The following FSTL5 variants were observed in gnomAD, a reference collection of about 807,000 sequenced individuals.
FSTL5 encodes follistatin like 5.
In FSTL5, 62 loss-of-function variants were observed where a neutral mutation model predicts 89.1. That is an observed-to-expected ratio of 0.70 (90% CI 0.57 to 0.86). The LOEUF (loss-of-function observed/expected upper bound fraction) is 0.86, where lower values mean the gene tolerates loss of function less well. Among genes scored for constraint, FSTL5 ranks in the 40% least tolerant of loss-of-function variants. The pLI, the probability that FSTL5 is intolerant of heterozygous loss-of-function variation, is 0.00. For synonymous variants in FSTL5, 383 were observed against 346.2 expected (o/e 1.11, Z -1.18); for missense variants, 1,057 against 1,001.6 (o/e 1.06, Z -0.75).
At chr4:161,999,032 C>T (rs1736385721) in intron 3 of FSTL5, among the ~76,000 whole-genome samples, 1 of 152,178 alleles carries the variant, frequency 6.6e-6, no homozygotes, top group African/African-American at 2.4e-5. Context: ...CTAACCTCCC[C>T]ACTTTCCAGT....
intron 15 of FSTL5, among the ~76,000 whole-genome samples, chr4:161,451,567 C>T: frequency 6.6e-6 from 1 of 152,158 alleles, no homozygotes; most frequent in Admixed American, 6.5e-5. Flanking sequence ...TTATTTTATT[C>T]CAGTCCTTAG....
At chr4:161,771,703 T>C (rs554874998) in intron 5 of FSTL5, among the ~76,000 whole-genome samples, 1 of 152,262 alleles carries the variant, frequency 6.6e-6, no homozygotes, top group African/African-American at 2.4e-5. Context: ...TTCCATATGT[T>C]TGATTGATAC....
At chr4:161,898,365 G>T (rs953868923) in intron 4 of FSTL5, among the ~76,000 whole-genome samples, 1 of 151,384 alleles carries the variant, frequency 6.6e-6, no homozygotes, top group Non-Finnish European at 1.5e-5. Context: ...TTGAGTGCAG[G>T]TTTTTTTCTT....
chr4:161,667,320 A>G (rs974104102), intron 6 of FSTL5, among the ~76,000 whole-genome samples: 1 of 152,118 alleles, frequency 6.6e-6, no homozygotes. Flanking sequence ...TTTTTTATGC[A>G]GAATAGTTTC....
intron 3 of FSTL5, among the ~76,000 whole-genome samples, chr4:162,020,303 G>T (rs1174841497): frequency 6.6e-6 from 1 of 151,926 alleles, no homozygotes; most frequent in East Asian, 1.9e-4. Context: ...AGGTAAGTCT[G>T]TTTGGTGAAA....
At chr4:161,726,410 T>A (rs1252602844) in intron 6 of FSTL5, among the ~76,000 whole-genome samples, 2 of 151,460 alleles carry the variant, frequency 1.3e-5, no homozygotes, top group Non-Finnish European at 2.9e-5. Flanking sequence ...CATTTTTTAG[T>A]AGAGATGGGG....
chr4:161,598,922 T>C (rs990546669), intron 7 of FSTL5, among the ~76,000 whole-genome samples: 1 of 152,144 alleles, frequency 6.6e-6, no homozygotes, highest in African/African-American at 2.4e-5. Context: ...ATCTCAGGAA[T>C]TTGGATATTG....
At chr4:162,161,109 T>C (rs1733679326) in intron 1 of FSTL5, among the ~76,000 whole-genome samples, 1 of 151,928 alleles carries the variant, frequency 6.6e-6, no homozygotes, top group South Asian at 2.1e-4. Context: ...TCATCACTTT[T>C]CTGCAAACGG....
At chr4:161,598,883 A>C (rs1330387809) in intron 7 of FSTL5, among the ~76,000 whole-genome samples, 1 of 152,186 alleles carries the variant, frequency 6.6e-6, no homozygotes, top group Non-Finnish European at 1.5e-5. Flanking sequence ...AAATCTTTTC[A>C]TATAAAATGT....
chr4:161,978,592 A>G (rs190474225), intron 3 of FSTL5, among the ~76,000 whole-genome samples: 104 of 152,262 alleles, frequency 6.8e-4, no homozygotes, highest in African/African-American at 2.5e-3. Context: ...TTATCTTCTA[A>G]GAATAACGAT....
intron 1 of FSTL5, among the ~76,000 whole-genome samples, chr4:162,147,229 T>C (rs1014388108): frequency 3.3e-5 from 5 of 152,162 alleles, no homozygotes; most frequent in African/African-American, 1.2e-4. Context: ...TATCTGGGAA[T>C]TAGTTTCTTA....
At chr4:161,915,077 G>T (rs1733801159) in intron 4 of FSTL5, among the ~76,000 whole-genome samples, 1 of 152,132 alleles carries the variant, frequency 6.6e-6, no homozygotes, top group Admixed American at 6.6e-5. Context: ...TCTGCCCTTT[G>T]GTTCCTGTCC....
chr4:161,892,714 T>G (rs2110759827), intron 4 of FSTL5, among the ~76,000 whole-genome samples: 1 of 152,184 alleles, frequency 6.6e-6, no homozygotes, highest in Admixed American at 6.5e-5. Flanking sequence ...TATCATTAAT[T>G]TTATATACAG....
At chr4:162,078,166 G>A (rs944861896) in intron 2 of FSTL5, among the ~76,000 whole-genome samples, 5 of 151,878 alleles carry the variant, frequency 3.3e-5, no homozygotes, top group Non-Finnish European at 7.4e-5. Context: ...GGAATAGACA[G>A]TAATCTGGAT....
At position 161,748,606 on chromosome 4, in the gene FSTL5, G is replaced by A. The variant is rs917454448; in HGVS notation, c.727+10805C>T. Among the ~76,000 whole-genome samples, 95 of 103,522 alleles carry A rather than the reference G, an allele frequency of 9.2e-4. 1 individual carries two copies. Among genetic ancestry groups the A allele is most frequent in the African/African-American group, 3.2e-3 (94 of 29,772 alleles). The allele number at this position is 103,522 out of a possible 152,430, so 67.9% of individuals were successfully genotyped here. ...CTGAAATAATGCAAAGGGGAAGCAC[G>A]TTTTTTTTTTTTTTTTTTTTTTCTC... On this transcript the variant is annotated intron_variant, in intron 6 of 15. Transcript: ENST00000306100.
chr4:162,137,690 A>G (rs1732571104), intron 1 of FSTL5, among the ~76,000 whole-genome samples: 2 of 152,208 alleles, frequency 1.3e-5, no homozygotes, highest in Admixed American at 1.3e-4. Context: ...AAAAAGTTGG[A>G]ACAAATAGCA....
At chr4:161,688,473 A>G (rs1000478358) in intron 6 of FSTL5, among the ~76,000 whole-genome samples, 4 of 152,212 alleles carry the variant, frequency 2.6e-5, no homozygotes, top group Non-Finnish European at 5.9e-5. Context: ...AGCTATACAG[A>G]ATCATTTCTA....
At chr4:161,889,499 C>A (rs1345212082) in intron 4 of FSTL5, among the ~76,000 whole-genome samples, 1 of 152,028 alleles carries the variant, frequency 6.6e-6, no homozygotes, top group African/African-American at 2.4e-5. Flanking sequence ...CAAAAATTTG[C>A]TAGGTGTGGC....
chr4:161,970,548 A>G (rs1284270605), intron 3 of FSTL5, among the ~76,000 whole-genome samples: 1 of 152,112 alleles, frequency 6.6e-6, no homozygotes, highest in East Asian at 1.9e-4. Flanking sequence ...TTAACTTACA[A>G]ATTTCAAGAA....
Sources: gnomAD v4.1 joint callset for allele counts (sites outside exome capture counted in the v4.1 genomes callset) on GRCh38, gnomAD v4.1.1 for gene constraint, MANE v1.5 for transcripts, NCBI Gene and HGNC (gene_info 2026-07-23, HGNC 2026-07-21) for gene names.